ZDHHC3: variants seen among roughly 807,000 people sequenced by gnomAD.
ZDHHC3 encodes zDHHC palmitoyltransferase 3, also known as palmitoyltransferase ZDHHC3.
In ZDHHC3, 9 loss-of-function variants were observed where a neutral mutation model predicts 30.6. The observed-to-expected ratio is 0.29, with a 90% confidence interval of 0.18 to 0.51. The LOEUF is 0.51. Ranked by LOEUF, ZDHHC3 falls within the 20% of genes least tolerant of loss-of-function variation. The pLI is 0.97. For missense variants in ZDHHC3, 246 were observed against 384.2 expected, an observed-to-expected ratio of 0.64 and a Z score of 3.01; for synonymous variants, 136 against 140.2, an observed-to-expected ratio of 0.97 and a Z score of 0.21.
At chr3:44,956,531 C>A (rs917695535) in intron 2 of ZDHHC3, among the ~76,000 whole-genome samples, 1 of 152,180 alleles carries the variant, frequency 6.6e-6, no homozygotes, top group African/African-American at 2.4e-5. Context: ...AACGTGGGAG[C>A]TCTAAAGCAT....
At position 44,918,517 on chromosome 3, in the gene ZDHHC3, G is replaced by A. The variant is rs1700366395; in HGVS notation, c.*8172C>T. 2 of 985,446 alleles carry A rather than the reference G, an allele frequency of 2.0e-6. No homozygotes were observed. Among genetic ancestry groups the A allele is most frequent in the Admixed American group, 1.2e-4 (2 of 16,284 alleles). 61.0% of individuals were successfully genotyped at this position (985,446 alleles called of 1,614,324 possible). On this transcript the variant is annotated 3_prime_UTR_variant, in exon 7 of 7. Coordinates refer to ENST00000424952, the MANE Select transcript of ZDHHC3 (RefSeq NM_001135179.2). ...ATAAGGGGGACCACACATCCTCTGA[G>A]GCCACTACAAACTGGTGATCCCCTC...
chr3:44,957,479 C>G (rs572026978), intron 2 of ZDHHC3, among the ~76,000 whole-genome samples: 1 of 152,304 alleles, frequency 6.6e-6, no homozygotes, highest in South Asian at 2.1e-4. Context: ...GTTGAAAATC[C>G]TTAGGGGCCC....
chr3:44,923,872 A>C lies in ZDHHC3; in HGVS notation c.*2817T>G. ...GACTAAAAGGAGATTTAGCACATGCACTTCTACCCAAATGTGTTTTGTGTA... is the reference window on the plus strand; with the variant it reads ...GACTAAAAGGAGATTTAGCACATGCCCTTCTACCCAAATGTGTTTTGTGTA... On this transcript the variant is annotated 3_prime_UTR_variant, in exon 7 of 7. Coordinates refer to ENST00000424952, the MANE Select transcript of ZDHHC3 (RefSeq NM_001135179.2). 2 of 985,490 alleles carry C rather than the reference A, an allele frequency of 2.0e-6. No homozygotes were observed. The highest frequency in any genetic ancestry group is 2.4e-6 in the Non-Finnish European group (2 of 829,944). The allele number at this position is 985,490 out of a possible 1,614,324, so 61.0% of individuals were successfully genotyped here.
At chr3:44,974,494 TAACATC>T in intron 1 of ZDHHC3, among the ~76,000 whole-genome samples, 1 of 152,214 alleles carries the variant, frequency 6.6e-6, no homozygotes, top group African/African-American at 2.4e-5. Context: ...ATATCATTTA[TAACATC>T]AGCAATCTCA....
At chr3:44,936,565 T>C (rs929434532) in intron 3 of ZDHHC3, among the ~76,000 whole-genome samples, 2 of 152,186 alleles carry the variant, frequency 1.3e-5, no homozygotes, top group East Asian at 1.9e-4. Context: ...CAAATGTTCA[T>C]TGCAGCACTA....
intron 2 of ZDHHC3, among the ~76,000 whole-genome samples, chr3:44,948,169 T>C (rs556733773): frequency 2.6e-4 from 40 of 152,268 alleles, no homozygotes; most frequent in African/African-American, 9.1e-4. Context: ...AGAGTGAAAG[T>C]ACAGTTTATT....
Position 44,918,785 on chromosome 3 carries a change from C to CA in ZDHHC3, c.*7903dup. Reference sequence around the variant, plus strand: ...CACCCTGCAGCCTCTTCCAAGCTGTCAACTCACCTGCCTCTGGGTGTCGGC... The same window carrying CA: ...CACCCTGCAGCCTCTTCCAAGCTGTCAAACTCACCTGCCTCTGGGTGTCGGC... On this transcript the variant is annotated 3_prime_UTR_variant, in exon 7 of 7. Transcript: ENST00000424952. The CA allele has an allele frequency of 1.0e-6, 1 of 986,780 alleles. No individual in the cohort carries two copies. The highest frequency in any genetic ancestry group is 1.2e-6 in the Non-Finnish European group (1 of 830,880). The allele number at this position is 986,780 out of a possible 1,614,324, so 61.1% of individuals were successfully genotyped here.
In ZDHHC3 at chr3:44,921,702, C is replaced by T. The variant is rs1700604401; in HGVS notation, c.*4987G>A. The T allele has an allele frequency of 1.0e-6, 1 of 964,944 alleles. No individual in the cohort carries two copies. The highest frequency in any genetic ancestry group is 1.8e-5 in the African/African-American group (1 of 56,886). 59.8% of individuals were successfully genotyped at this position (964,944 alleles called of 1,614,324 possible). On this transcript the variant is annotated 3_prime_UTR_variant, in exon 7 of 7. Coordinates refer to ENST00000424952, the MANE Select transcript of ZDHHC3 (RefSeq NM_001135179.2). Reference sequence around the variant, plus strand: ...AACTTTGTGATTTAGATTATCATTCCCGTTTTCAGATGAAAAAACTGAGGC... The same window carrying T: ...AACTTTGTGATTTAGATTATCATTCTCGTTTTCAGATGAAAAAACTGAGGC...
chr3:44,964,572 T>C (rs1446439932), intron 1 of ZDHHC3, among the ~76,000 whole-genome samples: 2 of 152,238 alleles, frequency 1.3e-5, no homozygotes, highest in Non-Finnish European at 2.9e-5. Context: ...TGAAAGGTAC[T>C]GGTGAGCCAT....
chr3:44,933,215 A>C lies in ZDHHC3; in HGVS notation c.529-16T>G. ...CTATGTACATCTGAAACAGGAAACCAGTGCAGACACCATTGTTGTGAGAAT... is the reference window on the plus strand; with the variant it reads ...CTATGTACATCTGAAACAGGAAACCCGTGCAGACACCATTGTTGTGAGAAT... On this transcript the variant is annotated splice_polypyrimidine_tract_variant and intron_variant, in intron 4 of 6. Coordinates refer to ENST00000424952, the MANE Select transcript of ZDHHC3 (RefSeq NM_001135179.2). 1 of 1,612,030 alleles carries C rather than the reference A, an allele frequency of 6.2e-7. No homozygotes were observed. The highest frequency in any genetic ancestry group is 8.5e-7 in the Non-Finnish European group (1 of 1,178,170).
At chr3:44,949,970 G>A (rs1703295329) in intron 2 of ZDHHC3, among the ~76,000 whole-genome samples, 1 of 152,062 alleles carries the variant, frequency 6.6e-6, no homozygotes, top group Non-Finnish European at 1.5e-5. Flanking sequence ...CAAGTAGCTG[G>A]AACTACCGGC....
intron 2 of ZDHHC3, among the ~76,000 whole-genome samples, chr3:44,945,696 T>C (rs924729978): frequency 6.6e-6 from 1 of 152,072 alleles, no homozygotes; most frequent in Admixed American, 6.5e-5. Flanking sequence ...TAGCTTGGAT[T>C]ATAGGTGCTC....
intron 2 of ZDHHC3, among the ~76,000 whole-genome samples, chr3:44,949,214 T>G (rs1274099280): frequency 6.6e-6 from 1 of 152,214 alleles, no homozygotes; most frequent in African/African-American, 2.4e-5. Context: ...ACATGGTATC[T>G]ACAATACCAG....
intron 2 of ZDHHC3, among the ~76,000 whole-genome samples, chr3:44,945,540 T>C (rs1254071856): frequency 6.6e-6 from 1 of 152,070 alleles, no homozygotes; most frequent in African/African-American, 2.4e-5. Flanking sequence ...TTTTCTTTGT[T>C]TTTTTGTTTT....
intron 1 of ZDHHC3, among the ~76,000 whole-genome samples, chr3:44,964,672 C>T (rs536739597): frequency 5.8e-4 from 88 of 152,258 alleles, no homozygotes; most frequent in African/African-American, 1.6e-3. Context: ...GAGAGGTCTG[C>T]GTCCAGAGGC....
chr3:44,926,058 C>G lies in ZDHHC3; in HGVS notation c.*631G>C. 1.0e-6 allele frequency: 1 copy of G among 985,836 alleles called. No individual in the cohort carries two copies. Among genetic ancestry groups the G allele is most frequent in the Non-Finnish European group, 1.2e-6 (1 of 829,946 alleles). 61.1% of individuals were successfully genotyped at this position (985,836 alleles called of 1,614,324 possible). A position where few individuals can be genotyped will look rare whatever the true frequency, so the allele number is the denominator to read the frequency against. ...ACCTCTTTCATCTTTCTCCCCACTC[C>G]CCCGCAAAATCATTCTACACACCCC... On this transcript the variant is annotated 3_prime_UTR_variant, in exon 7 of 7. Coordinates refer to ENST00000424952, the MANE Select transcript of ZDHHC3 (RefSeq NM_001135179.2).
At chr3:44,936,666 G>A (rs182303367) in intron 3 of ZDHHC3, among the ~76,000 whole-genome samples, 62 of 152,242 alleles carry the variant, frequency 4.1e-4, no homozygotes, top group African/African-American at 1.4e-3. Flanking sequence ...ATACACCATG[G>A]AATACTATGT....
At position 44,925,158 on chromosome 3, in the gene ZDHHC3, C is replaced by A. The variant is rs1257745197; in HGVS notation, c.*1531G>T. 1.0e-6 allele frequency: 1 copy of A among 985,822 alleles called. No homozygotes were observed. Among genetic ancestry groups the A allele is most frequent in the Non-Finnish European group, 1.2e-6 (1 of 829,924 alleles). The allele number at this position is 985,822 out of a possible 1,614,324, so 61.1% of individuals were successfully genotyped here. A position where few individuals can be genotyped will look rare whatever the true frequency, so the allele number is the denominator to read the frequency against. ...CTAAGGGTAACACCTCAAGAGAGAGCTAAATCAGAACAGGTTTTGGAAAAA... is the reference window on the plus strand; with the variant it reads ...CTAAGGGTAACACCTCAAGAGAGAGATAAATCAGAACAGGTTTTGGAAAAA... On this transcript the variant is annotated 3_prime_UTR_variant, in exon 7 of 7. Coordinates refer to ENST00000424952, the MANE Select transcript of ZDHHC3 (RefSeq NM_001135179.2).
chr3:44,962,541 A>AAGGAAGGAAGGGG (rs1204285443), intron 1 of ZDHHC3, among the ~76,000 whole-genome samples: 2 of 142,552 alleles, frequency 1.4e-5, no homozygotes, highest in South Asian at 2.4e-4. Context: ...GGAAGGAAGG[A>AAGGAAGGAAGGGG]AGGGGAGGGG....
Sources: allele counts gnomAD v4.1 joint callset (sites outside exome capture counted in the v4.1 genomes callset), GRCh38; gene constraint gnomAD v4.1.1; transcripts MANE v1.5; gene names NCBI Gene and HGNC (gene_info 2026-07-23, HGNC 2026-07-21).